VOPP1: variants seen among roughly 807,000 people sequenced by gnomAD.
VOPP1 encodes the protein VOPP1 WW domain binding protein, also known as WW domain binding protein VOPP1.
Under a neutral mutation model 23.5 loss-of-function variants are expected in VOPP1, and 8 were observed. The ratio of observed to expected loss-of-function variants is 0.34; its 90% confidence interval spans 0.20 to 0.61. The LOEUF (loss-of-function observed/expected upper bound fraction) is 0.61. Among genes scored for constraint, VOPP1 ranks in the 20% least tolerant of loss-of-function variants. VOPP1 has a pLI of 0.78. For synonymous variants in VOPP1, 83 were observed against 97.3 expected (o/e 0.85, Z 0.86); for missense variants, 174 against 238.1 (o/e 0.73, Z 1.77).
chr7:55,482,908 C>T (rs959273257), intron 4 of VOPP1, among the ~76,000 whole-genome samples: 15 of 152,176 alleles, frequency 9.9e-5, no homozygotes, highest in African/African-American at 3.6e-4. Context: ...AACGGTTTTG[C>T]TTGCTGCTGC....
intron 4 of VOPP1, among the ~76,000 whole-genome samples, chr7:55,461,588 T>G (rs1211496777): frequency 6.6e-6 from 1 of 152,116 alleles, no homozygotes; most frequent in African/African-American, 2.4e-5. Context: ...CAGCTCATTT[T>G]TGTATTTTTA....
At chr7:55,457,024 A>C (rs758724001) in intron 4 of VOPP1, among the ~76,000 whole-genome samples, 21 of 152,066 alleles carry the variant, frequency 1.4e-4, no homozygotes, top group Non-Finnish European at 2.5e-4. Flanking sequence ...AATATAAATT[A>C]TTCCTTCTTT....
At chr7:55,560,394 C>T (rs916531690) in intron 1 of VOPP1, among the ~76,000 whole-genome samples, 2 of 151,992 alleles carry the variant, frequency 1.3e-5, no homozygotes, top group Admixed American at 1.3e-4. Context: ...TTCAGGTGGG[C>T]CCAATGTAAT....
intron 4 of VOPP1, among the ~76,000 whole-genome samples, chr7:55,452,615 T>C (rs993707436): frequency 3.3e-5 from 5 of 152,242 alleles, no homozygotes; most frequent in African/African-American, 1.2e-4. Flanking sequence ...CCTTGATCCA[T>C]GGGCTGCAGA....
In VOPP1 at chr7:55,572,389, C is replaced by T; in HGVS notation, c.-65G>A. 8.5e-7 allele frequency: 1 copy of T among 1,176,564 alleles called. No individual in the cohort carries two copies. Among genetic ancestry groups the T allele is most frequent in the South Asian group, 2.8e-5 (1 of 35,714 alleles). 72.9% of individuals were successfully genotyped at this position (1,176,564 alleles called of 1,614,324 possible). On this transcript the variant is annotated 5_prime_UTR_variant, in exon 1 of 5. Coordinates refer to ENST00000285279, the MANE Select transcript of VOPP1 (RefSeq NM_030796.5). ...CGCAGGCGCGCTTCGCGACTCGGCC[C>T]CCGCGCGGGGCGGGCGGGCAGACTG...
intron 1 of VOPP1, chr7:55,537,670 CCT>C: frequency 2.0e-6 from 3 of 1,490,368 alleles, no homozygotes; most frequent in Non-Finnish European, 2.7e-6. Flanking sequence ...GCAGTATCCT[CCT>C]CTGTTGAGTG....
intron 2 of VOPP1, among the ~76,000 whole-genome samples, chr7:55,514,282 A>T (rs113786316): frequency 1.3e-5 from 2 of 152,216 alleles, no homozygotes; most frequent in African/African-American, 4.8e-5. Flanking sequence ...TAGGCTATAA[A>T]TTATTCCCAG....
intron 4 of VOPP1, among the ~76,000 whole-genome samples, chr7:55,443,571 C>A (rs1583786902): frequency 6.6e-6 from 1 of 151,632 alleles, no homozygotes; most frequent in Admixed American, 6.6e-5. Flanking sequence ...AAAACAAAAC[C>A]AAACAAACAA....
chr7:55,528,152 G>A (rs949963141), intron 1 of VOPP1, among the ~76,000 whole-genome samples: 1 of 152,052 alleles, frequency 6.6e-6, no homozygotes, highest in Non-Finnish European at 1.5e-5. Context: ...TGTATTTGTA[G>A]GTATTTACTA....
chr7:55,567,218 C>G (rs1350827702), intron 1 of VOPP1, among the ~76,000 whole-genome samples: 6 of 152,212 alleles, frequency 3.9e-5, no homozygotes, highest in African/African-American at 1.4e-4. Context: ...TGCTCTGTGC[C>G]AGGCATGGTT....
intron 1 of VOPP1, among the ~76,000 whole-genome samples, chr7:55,569,981 C>T (rs1171081968): frequency 6.6e-6 from 1 of 152,268 alleles, no homozygotes; most frequent in East Asian, 1.9e-4. Flanking sequence ...CTGAAACCAG[C>T]TCAGGCAGAA....
intron 1 of VOPP1, among the ~76,000 whole-genome samples, chr7:55,528,744 T>C (rs930621862): frequency 6.6e-6 from 1 of 151,570 alleles, no homozygotes; most frequent in Non-Finnish European, 1.5e-5. Flanking sequence ...AGAAAGAACA[T>C]TCTCCAGCTA....
chr7:55,445,226 CACAGACACACACACACAG>C lies in VOPP1; in HGVS notation n.418-9070_418-9053del, dbSNP rs1469359299. 4.3e-5 allele frequency among the ~76,000 whole-genome samples: 6 copies of C among 138,970 alleles called. 1 individual carries two copies. Among genetic ancestry groups the C allele is most frequent in the African/African-American group, 1.8e-4 (6 of 32,504 alleles). The allele number at this position is 138,970 out of a possible 152,430, so 91.2% of individuals were successfully genotyped here. A position where few individuals can be genotyped will look rare whatever the true frequency, so the allele number is the denominator to read the frequency against. Reference sequence around the variant, plus strand: ...CTACACACACACACAGACACACACACACAGACACACACACACAGACACACACACACACACACAGACATA... The same window carrying C: ...CTACACACACACACAGACACACACACACACACACACACACACACAGACATA... On this transcript the variant is annotated intron_variant and non_coding_transcript_variant, in intron 4 of 4. Transcript: ENST00000462326.
chr7:55,562,928 C>T (rs924843648), intron 1 of VOPP1, among the ~76,000 whole-genome samples: 3 of 152,142 alleles, frequency 2.0e-5, no homozygotes, highest in Admixed American at 6.5e-5. Flanking sequence ...GATTACTATG[C>T]GGTCTGGGCA....
At chr7:55,453,260 G>A (rs180891114) in intron 4 of VOPP1, among the ~76,000 whole-genome samples, 19 of 152,248 alleles carry the variant, frequency 1.2e-4, no homozygotes, top group Admixed American at 1.1e-3. Flanking sequence ...CCATAGAATT[G>A]AAGACTATAT....
At chr7:55,452,793 G>T (rs985398709) in intron 4 of VOPP1, among the ~76,000 whole-genome samples, 1 of 152,218 alleles carries the variant, frequency 6.6e-6, no homozygotes, top group African/African-American at 2.4e-5. Context: ...GTAAAAAGAT[G>T]TGTTGTCATC....
intron 2 of VOPP1, chr7:55,515,973 C>G (rs1399886001): frequency 2.0e-6 from 2 of 985,400 alleles, no homozygotes; most frequent in South Asian, 4.7e-5. Flanking sequence ...GAAGCTCACA[C>G]GGTGGCCCCT....
chr7:55,462,266 CTTTT>C (rs1051804915), intron 4 of VOPP1, among the ~76,000 whole-genome samples: 1 of 152,024 alleles, frequency 6.6e-6, no homozygotes, highest in Non-Finnish European at 1.5e-5. Flanking sequence ...TTTTAGAATT[CTTTT>C]TTTGTCTGGC....
chr7:55,476,559 C>G (rs1300701792), intron 4 of VOPP1, among the ~76,000 whole-genome samples: 2 of 152,156 alleles, frequency 1.3e-5, no homozygotes, highest in Non-Finnish European at 2.9e-5. Flanking sequence ...CCAGGAGGGA[C>G]AGAGGCCAGG....
Sources: allele counts gnomAD v4.1 joint callset (sites outside exome capture counted in the v4.1 genomes callset), GRCh38; gene constraint gnomAD v4.1.1; transcripts MANE v1.5; gene names NCBI Gene and HGNC (gene_info 2026-07-23, HGNC 2026-07-21).